The following SLC35F3 variants were observed in gnomAD, a reference collection of about 807,000 sequenced individuals.
The protein encoded by SLC35F3 is putative thiamine transporter SLC35F3.
SLC35F3 carries 25 observed loss-of-function variants against 49.9 expected under a neutral mutation model. The observed-to-expected ratio is 0.50, with a 90% CI of 0.37 to 0.70. The LOEUF (loss-of-function observed/expected upper bound fraction) is 0.70. SLC35F3 is among the 30% of genes least tolerant of loss of function. The pLI is 0.00. For missense variants in SLC35F3, 525 were observed against 639.8 expected (o/e 0.82, Z 1.94); for synonymous variants, 275 against 265.4 (o/e 1.04, Z -0.35).
At chr1:234,207,611 G>A (rs1666994114) in intron 2 of SLC35F3, among the ~76,000 whole-genome samples, 1 of 151,642 alleles carries the variant, frequency 6.6e-6, no homozygotes, top group Admixed American at 6.6e-5. Flanking sequence ...CCTAGTTGGT[G>A]GTTTTCTAAA....
rs111686819 is a variant in SLC35F3 at position 233,964,169 on chromosome 1, G to A, written c.283+58411G>A. On this transcript the variant is annotated intron_variant, in intron 2 of 7. Transcript: ENST00000366618. ...CTGTGAGCTCAGTGACTTGCTTTGG[G>A]TCCACACTTGCACCACTCTGAATTC... Among the ~76,000 whole-genome samples the A allele has an allele frequency of 1.2e-3, 181 of 152,304 alleles. 1 individual carries two copies. Among genetic ancestry groups the A allele is most frequent in the African/African-American group, 4.0e-3 (168 of 41,566 alleles).
At chr1:234,308,997 C>A (rs1334660867) in intron 3 of SLC35F3, 104 bp from the exon 4 acceptor site, 8 of 755,814 alleles carry the variant, frequency 1.1e-5, no homozygotes, top group East Asian at 2.7e-5. Context: ...TAAAACCCTG[C>A]CCCTTCCTAT....
In SLC35F3 at chr1:234,312,857, T is replaced by TTTTG. The variant is rs140884492; in HGVS notation, c.828+3561_828+3564dup. On this transcript the variant is annotated intron_variant, in intron 4 of 7. Transcript: ENST00000366618. Reference sequence around the variant, plus strand: ...TTTGTTGTTTGTTTTTTTTAGGTTTTTTTGTTTGTTTGTTTGTTTGTTTGT... The same window carrying TTTTG: ...TTTGTTGTTTGTTTTTTTTAGGTTTTTTTGTTTGTTTGTTTGTTTGTTTGTTTGT... Among the ~76,000 whole-genome samples, 35 of 150,842 alleles carry TTTTG rather than the reference T, an allele frequency of 2.3e-4. 1 individual carries two copies. The highest frequency in any genetic ancestry group is 5.6e-4 in the African/African-American group (23 of 40,830).
chr1:234,308,960 A>G (rs921903717), intron 3 of SLC35F3, 141 bp from the exon 4 acceptor site: 2 of 634,894 alleles, frequency 3.2e-6, no homozygotes, highest in African/African-American at 3.7e-5. Flanking sequence ...CTTTAATAGA[A>G]AGATGTTTAT....
chr1:234,156,481 G>T (rs879665895), intron 2 of SLC35F3, among the ~76,000 whole-genome samples: 5 of 152,302 alleles, frequency 3.3e-5, no homozygotes, highest in African/African-American at 7.2e-5. Flanking sequence ...TGAGGATGAG[G>T]AGTCGTAACT....
At chr1:234,115,706 G>A (rs1325748246) in intron 2 of SLC35F3, among the ~76,000 whole-genome samples, 2 of 152,316 alleles carry the variant, frequency 1.3e-5, no homozygotes, top group South Asian at 2.1e-4. Flanking sequence ...AACCATTTGA[G>A]AACAAGCCAT....
At chr1:234,092,790 C>T (rs1020805844) in intron 2 of SLC35F3, among the ~76,000 whole-genome samples, 3 of 152,142 alleles carry the variant, frequency 2.0e-5, no homozygotes, top group Non-Finnish European at 4.4e-5. Context: ...ATCACTTGAG[C>T]CCAGGAGTTC....
chr1:234,101,524 G>A (rs1665212949), intron 2 of SLC35F3, among the ~76,000 whole-genome samples: 1 of 152,116 alleles, frequency 6.6e-6, no homozygotes. Flanking sequence ...TTTCTTCTTA[G>A]TATAGTTACT....
intron 4 of SLC35F3, among the ~76,000 whole-genome samples, chr1:234,312,522 G>T (rs758793295): frequency 1.3e-5 from 2 of 152,162 alleles, no homozygotes; most frequent in African/African-American, 4.8e-5. Flanking sequence ...TGTGTGGGGG[G>T]CTGCCCTCTG....
chr1:234,040,429 T>C (rs1664202673), intron 2 of SLC35F3, among the ~76,000 whole-genome samples: 2 of 152,042 alleles, frequency 1.3e-5, no homozygotes, highest in Admixed American at 1.3e-4. Context: ...GGGTCACAGG[T>C]TTCAGGCTTT....
chr1:234,038,838 A>G (rs1267695207), intron 2 of SLC35F3, among the ~76,000 whole-genome samples: 1 of 152,218 alleles, frequency 6.6e-6, no homozygotes, highest in East Asian at 1.9e-4. Context: ...ATCACTGAAG[A>G]TAACACCCAT....
chr1:234,323,346 T>C lies in SLC35F3; in HGVS notation c.*103T>C, dbSNP rs1383711601. On this transcript the variant is annotated 3_prime_UTR_variant, in exon 8 of 8. Coordinates refer to ENST00000366618, the MANE Select transcript of SLC35F3 (RefSeq NM_173508.4). The surrounding 1 kb of genome is among the most constrained non-coding windows in gnomAD (Gnocchi z 4.5). ...ACATACCTGTACAGTTTTGGTCATC[T>C]GCGGTAAGTTCTATGGTATTTATTG... 1.0e-6 allele frequency: 1 copy of C among 968,932 alleles called. No individual in the cohort carries two copies. 60.0% of individuals were successfully genotyped at this position (968,932 alleles called of 1,614,324 possible). A position where few individuals can be genotyped will look rare whatever the true frequency, so the allele number is the denominator to read the frequency against.
chr1:234,045,736 T>C (rs1019168521), intron 2 of SLC35F3, among the ~76,000 whole-genome samples: 2 of 151,878 alleles, frequency 1.3e-5, no homozygotes, highest in Non-Finnish European at 2.9e-5. Flanking sequence ...AGAAATAGAA[T>C]ATTACAGATA....
intron 2 of SLC35F3, among the ~76,000 whole-genome samples, chr1:234,099,609 A>C (rs78592423): frequency 6.8e-6 from 1 of 147,214 alleles, no homozygotes; most frequent in Non-Finnish European, 1.5e-5. Flanking sequence ...ACTCTGTCTA[A>C]AAAAAAAAAA....
At chr1:233,972,570 A>G (rs960331292) in intron 2 of SLC35F3, among the ~76,000 whole-genome samples, 3 of 152,174 alleles carry the variant, frequency 2.0e-5, no homozygotes, top group South Asian at 2.1e-4. Flanking sequence ...TGTTTTGAGG[A>G]GCAAATGGAC....
chr1:234,130,707 C>T (rs930424682), intron 2 of SLC35F3, among the ~76,000 whole-genome samples: 8 of 151,238 alleles, frequency 5.3e-5, no homozygotes, highest in Non-Finnish European at 8.8e-5. Context: ...AAATGAAACT[C>T]TCATACACTG....
At chr1:234,108,597 T>G in intron 2 of SLC35F3, among the ~76,000 whole-genome samples, 1 of 110,320 alleles carries the variant, frequency 9.1e-6, no homozygotes, top group East Asian at 2.2e-4. Context: ...GATATACATA[T>G]AAAAGATATA....
At chr1:234,166,925 T>C (rs1259318352) in intron 2 of SLC35F3, among the ~76,000 whole-genome samples, 1 of 152,220 alleles carries the variant, frequency 6.6e-6, no homozygotes, top group Non-Finnish European at 1.5e-5. Context: ...GCTTCCATTG[T>C]CATTCCACGC....
chr1:234,245,582 A>G (rs1231723467), intron 3 of SLC35F3, among the ~76,000 whole-genome samples: 1 of 151,762 alleles, frequency 6.6e-6, no homozygotes, highest in Non-Finnish European at 1.5e-5. Context: ...AATGGCATTA[A>G]CAACTCCTTT....
Sources: gnomAD v4.1 joint callset for allele counts (sites outside exome capture counted in the v4.1 genomes callset) on GRCh38, gnomAD v4.1.1 for gene constraint, Gnocchi (gnomAD v3.1) non-coding constraint, MANE v1.5 for transcripts, NCBI Gene and HGNC (gene_info 2026-07-23, HGNC 2026-07-21) for gene names.